EXOC4: variants seen among roughly 807,000 people sequenced by gnomAD.
EXOC4 encodes the protein SEC8-like 1.
A neutral mutation model predicts 107.2 loss-of-function variants in EXOC4; 71 were observed. That is an observed-to-expected ratio of 0.66 (90% CI 0.55 to 0.81). The LOEUF (loss-of-function observed/expected upper bound fraction) is 0.81, where lower values mean the gene tolerates loss of function less well. Among genes scored for constraint, EXOC4 ranks in the 30% least tolerant of loss-of-function variants. The probability of loss-of-function intolerance (pLI) is 0.00; values close to 1 mark genes in which losing one functional copy is unlikely to be tolerated. For synonymous variants in EXOC4, 456 were observed against 441.2 expected (o/e 1.03, Z -0.42); for missense variants, 1,108 against 1,189.6 (o/e 0.93, Z 1.01).
intron 11 of EXOC4, among the ~76,000 whole-genome samples, chr7:133,862,737 C>T (rs1410123401): frequency 1.3e-5 from 2 of 152,118 alleles, no homozygotes; most frequent in Non-Finnish European, 2.9e-5. Flanking sequence ...TACATGCATA[C>T]ATACATATTT....
intron 1 of EXOC4, 68 bp downstream of exon 1, chr7:133,253,255 A>C (rs1385028953): frequency 4.4e-6 from 7 of 1,573,140 alleles, no homozygotes; most frequent in Non-Finnish European, 6.1e-6. Context: ...TGGAAGGGAG[A>C]AGGGTTAGCT....
intron 7 of EXOC4, among the ~76,000 whole-genome samples, chr7:133,409,049 C>T (rs1006135193): frequency 1.3e-5 from 2 of 152,112 alleles, no homozygotes; most frequent in African/African-American, 4.8e-5. Flanking sequence ...TAATCAAAAT[C>T]GGATAAACCT....
chr7:133,424,159 A>G (rs1797669025), intron 7 of EXOC4, among the ~76,000 whole-genome samples: 2 of 152,146 alleles, frequency 1.3e-5, no homozygotes, highest in East Asian at 3.8e-4. Context: ...GCCAACAGCA[A>G]CCTGGTGGGG....
In EXOC4 at chr7:134,003,900, C is replaced by A. The variant is rs142252433; in HGVS notation, c.2349-1012C>A. On this transcript the variant is annotated intron_variant, in intron 15 of 17. Transcript: ENST00000253861. The stretch of plus-strand genomic sequence containing the variant: ...CTTCCTCAGCAGCTACTAATATCTG[C>A]CAAAAAGCACCTGAGAATTGTGTGT... Among the ~76,000 whole-genome samples, 747 of 152,198 alleles carry A rather than the reference C, an allele frequency of 4.9e-3. 5 individuals are homozygous for A. Among genetic ancestry groups the A allele is most frequent in the African/African-American group, 0.017 (711 of 41,514 alleles).
the EXOC4 span, among the ~76,000 whole-genome samples, chr7:134,078,427 T>C: frequency 6.6e-6 from 1 of 152,100 alleles, no homozygotes; most frequent in Non-Finnish European, 1.5e-5. Flanking sequence ...ACATCCCTGC[T>C]CCAAAATCCT....
chr7:133,788,539 G>A (rs368205108), intron 10 of EXOC4, among the ~76,000 whole-genome samples: 4 of 152,052 alleles, frequency 2.6e-5, no homozygotes, highest in African/African-American at 9.6e-5. Context: ...CACCCAGGCT[G>A]GAGAGTACAG....
At chr7:134,007,471 T>C (rs965325576) in intron 16 of EXOC4, among the ~76,000 whole-genome samples, 3 of 152,172 alleles carry the variant, frequency 2.0e-5, no homozygotes, top group Non-Finnish European at 4.4e-5. Context: ...CAACATGAAG[T>C]CCACTCATTT....
chr7:133,990,396 A>G (rs1405933435), intron 14 of EXOC4, among the ~76,000 whole-genome samples: 1 of 150,704 alleles, frequency 6.6e-6, no homozygotes, highest in Non-Finnish European at 1.5e-5. Flanking sequence ...AGCTTATTTC[A>G]CTTAATATGA....
At chr7:133,350,790 T>C (rs1040801560) in intron 5 of EXOC4, among the ~76,000 whole-genome samples, 5 of 152,060 alleles carry the variant, frequency 3.3e-5, no homozygotes, top group Non-Finnish European at 5.9e-5. Flanking sequence ...AGTATTGGCA[T>C]CTTAACAGTA....
At chr7:133,260,777 A>G (rs552549834) in intron 1 of EXOC4, among the ~76,000 whole-genome samples, 8 of 152,134 alleles carry the variant, frequency 5.3e-5, no homozygotes, top group Non-Finnish European at 1.0e-4. Context: ...TAATTCTTCA[A>G]TTGATCTCAG....
At chr7:133,298,647 C>T (rs779492845) in intron 3 of EXOC4, among the ~76,000 whole-genome samples, 79 of 152,128 alleles carry the variant, frequency 5.2e-4, no homozygotes, top group Non-Finnish European at 8.8e-4. Context: ...TACCGTGTTA[C>T]GTATAGTTTA....
chr7:133,753,244 G>C (rs902934681), intron 10 of EXOC4, among the ~76,000 whole-genome samples: 2 of 152,174 alleles, frequency 1.3e-5, no homozygotes, highest in African/African-American at 4.8e-5. Flanking sequence ...TGAGGTAACT[G>C]TTCTTTCCAA....
chr7:133,538,038 A>T (rs1483211454), intron 9 of EXOC4, among the ~76,000 whole-genome samples: 1 of 152,106 alleles, frequency 6.6e-6, no homozygotes, highest in Non-Finnish European at 1.5e-5. Flanking sequence ...ATCTGAGGCC[A>T]TAAGAGTATT....
At chr7:133,264,939 C>T (rs907952192) in intron 1 of EXOC4, among the ~76,000 whole-genome samples, 1 of 152,164 alleles carries the variant, frequency 6.6e-6, no homozygotes, top group Non-Finnish European at 1.5e-5. Context: ...AGCCATTTCT[C>T]AGATTGGCCC....
rs1585159472 is a variant in EXOC4 at position 133,805,660 on chromosome 7, G to T, written c.1515-11665G>T. ...CTAAGCTAGTGGCCACAGGACAAGT[G>T]ACAGTCAGGAAGGAGATAGGGGGAC... On this transcript the variant is annotated intron_variant, in intron 10 of 17. Coordinates refer to ENST00000253861, the MANE Select transcript of EXOC4 (RefSeq NM_021807.4). 3.9e-5 allele frequency among the ~76,000 whole-genome samples: 6 copies of T among 152,282 alleles called. 2 individuals are homozygous for T. The highest frequency in any genetic ancestry group is 3.9e-4 in the Admixed American group (6 of 15,300).
intron 14 of EXOC4, among the ~76,000 whole-genome samples, chr7:133,974,276 A>C (rs1369547170): frequency 6.6e-6 from 1 of 152,228 alleles, no homozygotes; most frequent in Non-Finnish European, 1.5e-5. Flanking sequence ...CTGTGGCTAT[A>C]TTAAGCACTG....
intron 9 of EXOC4, among the ~76,000 whole-genome samples, chr7:133,544,937 C>T (rs1462043377): frequency 1.3e-5 from 2 of 150,984 alleles, no homozygotes; most frequent in Non-Finnish European, 3.0e-5. Flanking sequence ...TAACTCTTCA[C>T]TTTTTGTCTC....
intron 2 of EXOC4, among the ~76,000 whole-genome samples, chr7:133,275,920 C>T (rs1421227893): frequency 6.6e-6 from 1 of 151,834 alleles, no homozygotes; most frequent in Non-Finnish European, 1.5e-5. Context: ...ATCCTCCTGC[C>T]TGAGTCTCCC....
intron 9 of EXOC4, among the ~76,000 whole-genome samples, chr7:133,516,559 A>G (rs1224089657): frequency 1.3e-5 from 2 of 151,916 alleles, no homozygotes; most frequent in Non-Finnish European, 2.9e-5. Context: ...TGGACATTTT[A>G]TATATCTCTT....
Sources: allele counts gnomAD v4.1 joint callset (sites outside exome capture counted in the v4.1 genomes callset), GRCh38; gene constraint gnomAD v4.1.1; transcripts MANE v1.5; gene names NCBI Gene and HGNC (gene_info 2026-07-23, HGNC 2026-07-21).